CNTN5: variants seen among roughly 807,000 people sequenced by gnomAD.
The protein encoded by CNTN5 is contactin 5, also known as contactin-5.
Under a neutral mutation model 129.1 loss-of-function variants are expected in CNTN5, and 77 were observed. The ratio of observed to expected loss-of-function variants is 0.60; its 90% CI spans 0.50 to 0.72. CNTN5 has a LOEUF of 0.72. Ranked by LOEUF, CNTN5 falls within the 30% of genes least tolerant of loss-of-function variation. The pLI is 0.00. For synonymous variants in CNTN5, 509 were observed against 465.6 expected, an observed-to-expected ratio of 1.09 and a Z score of -1.20; for missense variants, 1,478 against 1,328.8, an observed-to-expected ratio of 1.11 and a Z score of -1.75.
intron 1 of CNTN5, among the ~76,000 whole-genome samples, chr11:99,194,417 C>T (rs982018447): frequency 1.3e-5 from 2 of 152,008 alleles, no homozygotes; most frequent in African/African-American, 2.4e-5. Context: ...CACATATTTT[C>T]ATGTAACAAA....
intron 2 of CNTN5, among the ~76,000 whole-genome samples, chr11:99,433,349 T>C (rs978202681): frequency 2.4e-5 from 2 of 82,604 alleles, no homozygotes; most frequent in African/African-American, 9.2e-5. Flanking sequence ...ATTTTCCTTG[T>C]AGTTTATCTG....
At position 99,850,526 on chromosome 11, in the gene CNTN5, A is replaced by G. The variant is rs370728891; in HGVS notation, c.577+5264A>G. Among the ~76,000 whole-genome samples, 11 of 152,298 alleles carry G rather than the reference A, an allele frequency of 7.2e-5. No homozygotes were observed. The East Asian group carries it at 9.6e-4, about 13-fold the overall frequency. On this transcript the variant is annotated intron_variant, in intron 6 of 24. Transcript: ENST00000524871. ...TTCATTTCTATTCATTTGTCACCCAATATATTTACAAATATGAAATAGCAA... is the reference window on the plus strand; with the variant it reads ...TTCATTTCTATTCATTTGTCACCCAGTATATTTACAAATATGAAATAGCAA...
Position 100,154,394 on chromosome 11 carries a change from G to A in CNTN5, c.1581-36732G>A, listed in dbSNP as rs184296660. ...GTTGGTTCCAAGTCTTTGCTATTGC[G>A]AACAGTGCCACATTGTCCAGCCTAT... On this transcript the variant is annotated intron_variant, in intron 13 of 24. Transcript: ENST00000524871. 1.5e-4 allele frequency among the ~76,000 whole-genome samples: 23 copies of A among 151,866 alleles called. 1 individual carries two copies. The highest frequency in any genetic ancestry group is 7.9e-4 in the Admixed American group (12 of 15,226).
At chr11:99,675,050 G>C (rs144269055) in intron 3 of CNTN5, among the ~76,000 whole-genome samples, 12 of 115,914 alleles carry the variant, frequency 1.0e-4, no homozygotes, top group African/African-American at 3.2e-4. Flanking sequence ...TTTTGTTTCA[G>C]GCTGACACTA....
intron 2 of CNTN5, among the ~76,000 whole-genome samples, chr11:99,550,333 A>C (rs1000234013): frequency 6.6e-6 from 1 of 152,174 alleles, no homozygotes; most frequent in African/African-American, 2.4e-5. Flanking sequence ...ATTCTTCTTT[A>C]TTCCTGCTAT....
At chr11:100,125,535 T>C (rs1946156926) in intron 13 of CNTN5, among the ~76,000 whole-genome samples, 1 of 152,112 alleles carries the variant, frequency 6.6e-6, no homozygotes, top group Non-Finnish European at 1.5e-5. Context: ...ATGTTATATA[T>C]GTATGACATT....
chr11:99,486,563 A>C (rs1321363492), intron 2 of CNTN5, among the ~76,000 whole-genome samples: 1 of 152,164 alleles, frequency 6.6e-6, no homozygotes, highest in Non-Finnish European at 1.5e-5. Flanking sequence ...TGATGGTTTA[A>C]TATGAATTAA....
intron 2 of CNTN5, among the ~76,000 whole-genome samples, chr11:99,530,430 CTTAT>C (rs1947654118): frequency 6.6e-6 from 1 of 152,000 alleles, no homozygotes; most frequent in Non-Finnish European, 1.5e-5. Context: ...ATAACAAACA[CTTAT>C]TGAAGTCCTG....
chr11:99,254,555 G>C (rs898048675), intron 1 of CNTN5, among the ~76,000 whole-genome samples: 6 of 151,930 alleles, frequency 3.9e-5, no homozygotes, highest in Non-Finnish European at 2.9e-5. Flanking sequence ...TACAAAGGCA[G>C]TGATAAAAGT....
At chr11:99,588,128 T>G (rs893785420) in intron 3 of CNTN5, among the ~76,000 whole-genome samples, 1 of 152,064 alleles carries the variant, frequency 6.6e-6, no homozygotes, top group African/African-American at 2.4e-5. Context: ...CGGATCACGA[T>G]GTCAGGAGAT....
chr11:100,017,538 G>C (rs1368213705), intron 9 of CNTN5, among the ~76,000 whole-genome samples: 2 of 151,842 alleles, frequency 1.3e-5, no homozygotes, highest in African/African-American at 4.8e-5. Flanking sequence ...GACTAAAATT[G>C]GCATATATAA....
chr11:99,692,468 C>G (rs1954079526), intron 3 of CNTN5, among the ~76,000 whole-genome samples: 1 of 151,988 alleles, frequency 6.6e-6, no homozygotes, highest in Admixed American at 6.6e-5. Context: ...TGAAAAAGGA[C>G]TTTATTTCTC....
intron 2 of CNTN5, among the ~76,000 whole-genome samples, chr11:99,433,173 G>C (rs945505841): frequency 2.0e-5 from 3 of 152,096 alleles, no homozygotes; most frequent in African/African-American, 7.2e-5. Flanking sequence ...TTGTGCTGTA[G>C]AGAAAACATG....
intron 1 of CNTN5, among the ~76,000 whole-genome samples, chr11:99,284,651 GTGTGTGTGT>G (rs1863854208): frequency 8.1e-5 from 9 of 111,798 alleles, no homozygotes; most frequent in African/African-American, 2.7e-4. Context: ...GTGTGTGTGT[GTGTGTGTGT>G]GGTGTGTGTA....
At chr11:100,169,546 T>C (rs1456633119) in intron 13 of CNTN5, among the ~76,000 whole-genome samples, 1 of 151,974 alleles carries the variant, frequency 6.6e-6, no homozygotes, top group East Asian at 1.9e-4. Flanking sequence ...CAGATTACGG[T>C]TAGCGTTTTA....
chr11:99,718,533 T>G (rs1943060678), intron 3 of CNTN5, among the ~76,000 whole-genome samples: 12 of 152,092 alleles, frequency 7.9e-5, no homozygotes, highest in Admixed American at 7.9e-4. Context: ...AAACATCAGC[T>G]TGGAGATGCT....
At chr11:99,089,036 T>C (rs1317586627) in intron 1 of CNTN5, among the ~76,000 whole-genome samples, 1 of 152,004 alleles carries the variant, frequency 6.6e-6, no homozygotes, top group African/African-American at 2.4e-5. Flanking sequence ...TAATAACCGA[T>C]TAAAAAAATT....
At chr11:99,047,381 C>CAA (rs539810763) in intron 1 of CNTN5, among the ~76,000 whole-genome samples, 52 of 79,236 alleles carry the variant, frequency 6.6e-4, no homozygotes, top group Middle Eastern at 0.017. Context: ...TGAATTTTGG[C>CAA]AAAAAAAAAA....
At chr11:100,342,926 G>C (rs1384121919) in intron 23 of CNTN5, among the ~76,000 whole-genome samples, 1 of 151,996 alleles carries the variant, frequency 6.6e-6, no homozygotes, top group Non-Finnish European at 1.5e-5. Context: ...AACTTTATCA[G>C]TTTTATTTTC....
Sources: gnomAD v4.1 joint callset for allele counts (sites outside exome capture counted in the v4.1 genomes callset) on GRCh38, gnomAD v4.1.1 for gene constraint, MANE v1.5 for transcripts, NCBI Gene and HGNC (gene_info 2026-07-23, HGNC 2026-07-21) for gene names.